EML6: variants seen among roughly 807,000 people sequenced by gnomAD.
EML6 encodes echinoderm microtubule-associated protein-like 6.
EML6 carries 154 observed loss-of-function variants against 240.1 expected under a neutral mutation model. That is an observed-to-expected ratio of 0.64 (90% CI 0.56 to 0.73). EML6 has a LOEUF of 0.73. EML6 is among the 30% of genes least tolerant of loss of function. The pLI is 0.00. For missense variants in EML6, 2,964 were observed against 2,474.6 expected (o/e 1.20, Z -4.20); for synonymous variants, 1,148 against 899.0 (o/e 1.28, Z -4.95).
At chr2:54,798,461 C>G (rs1315523138) in intron 2 of EML6, among the ~76,000 whole-genome samples, 1 of 152,144 alleles carries the variant, frequency 6.6e-6, no homozygotes, top group African/African-American at 2.4e-5. Context: ...GCGTGAGCGA[C>G]CACACCCGGC....
intron 2 of EML6, among the ~76,000 whole-genome samples, chr2:54,806,287 C>T (rs1207731893): frequency 6.6e-6 from 1 of 152,092 alleles, no homozygotes; most frequent in Non-Finnish European, 1.5e-5. Context: ...TTCACCATAG[C>T]TCTCTATGTA....
intron 22 of EML6, among the ~76,000 whole-genome samples, chr2:54,900,554 A>G (rs1673002426): frequency 6.6e-6 from 1 of 152,102 alleles, no homozygotes; most frequent in South Asian, 2.1e-4. Flanking sequence ...TGAATATGAG[A>G]GCCACATGAG....
intron 2 of EML6, among the ~76,000 whole-genome samples, chr2:54,760,111 C>A (rs1667913928): frequency 6.6e-6 from 1 of 151,508 alleles, no homozygotes; most frequent in African/African-American, 2.4e-5. Context: ...TCAAATTGAT[C>A]TTGGTCTTAG....
At chr2:54,885,076 G>C (rs1428681420) in intron 17 of EML6, among the ~76,000 whole-genome samples, 1 of 152,152 alleles carries the variant, frequency 6.6e-6, no homozygotes, top group Non-Finnish European at 1.5e-5. Context: ...AGACTCATCT[G>C]AGCCCGGGAG....
intron 28 of EML6, among the ~76,000 whole-genome samples, chr2:54,938,280 G>A (rs1675254214): frequency 6.6e-6 from 1 of 152,106 alleles, no homozygotes; most frequent in Non-Finnish European, 1.5e-5. Flanking sequence ...ACTCCAGCCT[G>A]GGCAACAAGA....
chr2:54,806,977 T>C (rs1178320421), intron 2 of EML6, among the ~76,000 whole-genome samples: 2 of 152,204 alleles, frequency 1.3e-5, no homozygotes, highest in African/African-American at 4.8e-5. Context: ...GAAAAAAAAC[T>C]ATGCATACGC....
intron 2 of EML6, among the ~76,000 whole-genome samples, chr2:54,738,455 TATATC>T (rs1683493078): frequency 6.6e-6 from 1 of 152,146 alleles, no homozygotes; most frequent in African/African-American, 2.4e-5. Context: ...GAAAAGTACA[TATATC>T]ATAGTGTACA....
chr2:54,934,926 C>T (rs1675061203), intron 28 of EML6, among the ~76,000 whole-genome samples: 3 of 152,032 alleles, frequency 2.0e-5, no homozygotes. Context: ...AAACAAATTA[C>T]TATTTTATTT....
intron 19 of EML6, among the ~76,000 whole-genome samples, chr2:54,893,703 T>C (rs888796190): frequency 9.2e-5 from 14 of 152,222 alleles, no homozygotes; most frequent in Admixed American, 9.2e-4. Context: ...TGACCTCCAG[T>C]TGAAGCCACC....
At position 54,827,550 on chromosome 2, in the gene EML6, A is replaced by G. The variant is rs1410848428; in HGVS notation, c.526-16A>G. 6.5e-7 allele frequency: 1 copy of G among 1,547,024 alleles called. No homozygotes were observed. The highest frequency in any genetic ancestry group is 2.0e-5 in the Admixed American group (1 of 51,000). ...ATACTCTATCTTGGAGATCTATTTT[A>G]TCACTTACATTGTAGTTTTGGACAC... is the stretch of plus-strand genomic sequence containing the variant. On this transcript the variant is annotated splice_polypyrimidine_tract_variant and intron_variant, in intron 5 of 41. Transcript: ENST00000356458.
Position 54,844,204 on chromosome 2 carries a change from C to T in EML6, c.1005C>T (p.Pro335=). 1 of 1,551,696 alleles carries T rather than the reference C, an allele frequency of 6.4e-7. No homozygotes were observed. The highest frequency in any genetic ancestry group is 8.7e-7 in the Non-Finnish European group (1 of 1,147,010). ...EGELWALALH[P]KKPLAVTGSD... The stretch of plus-strand genomic sequence containing the variant: ...AGCTCTGGGCTCTGGCCCTGCACCC[C>T]AAGAAGCCTCTGGCTGTGACAGGCA... The change falls in exon 8 of 42, where the codon CCC becomes CCT. Residue 335 remains proline (P), a synonymous_variant. Transcript: ENST00000356458.
rs1671108405 is a variant in EML6, at chr2:54,868,918, G to A, written c.2052-263G>A. 21 of 408,628 alleles carry A rather than the reference G, an allele frequency of 5.1e-5. 1 individual carries two copies. Among genetic ancestry groups the A allele is most frequent in the South Asian group, 4.0e-4 (7 of 17,358 alleles). 25.3% of individuals were successfully genotyped at this position (408,628 alleles called of 1,614,324 possible). Reference sequence around the variant, plus strand: ...ATCACAGATGTGTTCTCAGATGATCGTTTTTAAGAAAAAGCGCACACAACA... The same window carrying A: ...ATCACAGATGTGTTCTCAGATGATCATTTTTAAGAAAAAGCGCACACAACA... On this transcript the variant is annotated intron_variant, in intron 14 of 41. Transcript: ENST00000356458.
intron 2 of EML6, among the ~76,000 whole-genome samples, chr2:54,765,192 C>G (rs1668133458): frequency 6.6e-6 from 1 of 152,114 alleles, no homozygotes; most frequent in South Asian, 2.1e-4. Context: ...CAGCCTCTAA[C>G]TTATTGTGTA....
Position 54,962,688 on chromosome 2 carries a change from C to G in EML6, c.5134C>G (p.Arg1712Gly), listed in dbSNP as rs937039113. Reference sequence around the variant, plus strand: ...CTCTGCCAGCAACGATGGCACAGCCCGGATCTGGGACCTGGCTGACAAGGT... The same window carrying G: ...CTCTGCCAGCAACGATGGCACAGCCGGGATCTGGGACCTGGCTGACAAGGT... ...FISASNDGTA[R>G]IWDLADKKLL... The change falls in exon 36 of 42, where the codon CGG (arginine) becomes GGG (glycine). Residue 1712 changes from arginine (R) to glycine (G), a missense_variant. By Grantham distance (125) the Arg-to-Gly change is moderately radical (BLOSUM62 -2). Transcript: ENST00000356458. 3 of 1,503,834 alleles carry G rather than the reference C, an allele frequency of 2.0e-6. No homozygotes were observed. The African/African-American group carries it at 4.2e-5, about 21-fold the overall frequency. 93.2% of individuals were successfully genotyped at this position (1,503,834 alleles called of 1,614,324 possible). A position where few individuals can be genotyped will look rare whatever the true frequency, so the allele number is the denominator to read the frequency against.
intron 36 of EML6, among the ~76,000 whole-genome samples, chr2:54,963,761 A>C (rs575102317): frequency 3.9e-5 from 6 of 152,354 alleles, no homozygotes; most frequent in African/African-American, 1.4e-4. Context: ...TTACAGAAAA[A>C]GCTGGGCAGC....
At position 54,959,240 on chromosome 2, in the gene EML6, T is replaced by C. The variant is rs1201482218; in HGVS notation, c.4832T>C (p.Val1611Ala). The C allele has an allele frequency of 1.9e-6, 3 of 1,541,488 alleles. No individual in the cohort carries two copies. Among genetic ancestry groups the C allele is most frequent in the Non-Finnish European group, 2.6e-6 (3 of 1,142,080 alleles). Residue 1611 changes from valine to alanine, a missense_variant, in exon 34 of 42, where the codon GTG becomes GCG. Coordinates refer to ENST00000356458, the MANE Select transcript of EML6 (RefSeq NM_001039753.4). ...ACAACCCTTCGGGATGGACTCATAG[T>C]GACCGGCGGAAAAGAGAGGCCGTAA... is the stretch of plus-strand genomic sequence containing the variant. ...MYTTLRDGLI[V>A]TGGKERPTKE...
At chr2:54,930,673 T>C (rs1029228672) in intron 28 of EML6, among the ~76,000 whole-genome samples, 3 of 152,080 alleles carry the variant, frequency 2.0e-5, no homozygotes, top group South Asian at 2.1e-4. Flanking sequence ...AATCAAACCT[T>C]TTCTGTAGAG....
chr2:54,911,130 T>C, intron 25 of EML6, 88 bp downstream of exon 25: 1 of 665,452 alleles, frequency 1.5e-6, no homozygotes, highest in Non-Finnish European at 2.6e-6. Context: ...TAACCACTAA[T>C]ATGGGTTATA....
Position 54,725,254 on chromosome 2 carries a change from A to G in EML6, c.193A>G (p.Ile65Val). ...KFFLGHNDDI[I>V]SLALHPDKTL... ...CTTCCTGGGACACAACGACGACATT[A>G]TCAGGTAAGGGGGTGGCCAGGGGCG... The change falls in exon 2 of 42, where the codon ATC (isoleucine) becomes GTC (valine). Residue 65 changes from isoleucine to valine, a missense_variant. Transcript: ENST00000356458. This position sits in a 1 kb window ranked among gnomAD's most constrained non-coding sequence, Gnocchi z 4.3. The G allele has an allele frequency of 6.8e-7, 1 of 1,467,050 alleles. No homozygotes were observed. Among genetic ancestry groups the G allele is most frequent in the South Asian group, 1.3e-5 (1 of 74,696 alleles). The allele number at this position is 1,467,050 out of a possible 1,614,324, so 90.9% of individuals were successfully genotyped here. A position where few individuals can be genotyped will look rare whatever the true frequency, so the allele number is the denominator to read the frequency against.
Sources: allele counts gnomAD v4.1 joint callset (sites outside exome capture counted in the v4.1 genomes callset), GRCh38; gene constraint gnomAD v4.1.1; non-coding constraint Gnocchi (gnomAD v3.1); transcripts MANE v1.5; gene names NCBI Gene and HGNC (gene_info 2026-07-23, HGNC 2026-07-21).